C12orf56: variants seen among roughly 807,000 people sequenced by gnomAD.
The protein encoded by C12orf56 is chromosome 12 open reading frame 56, also known as uncharacterized protein C12orf56.
In C12orf56, 71 loss-of-function variants were observed where a neutral mutation model predicts 69.9. The ratio of observed to expected loss-of-function variants is 1.02; its 90% CI spans 0.84 to 1.24. The LOEUF is 1.24. C12orf56 is among the 50% of genes most tolerant of loss of function. C12orf56 has a pLI of 0.00. For synonymous variants in C12orf56, 276 were observed against 274.1 expected, an observed-to-expected ratio of 1.01 and a Z score of -0.07; for missense variants, 732 against 738.5, an observed-to-expected ratio of 0.99 and a Z score of 0.10.
chr12:64,280,381 C>T (rs891591994), intron 8 of C12orf56, among the ~76,000 whole-genome samples: 23 of 152,130 alleles, frequency 1.5e-4, no homozygotes, highest in Non-Finnish European at 5.9e-5. Flanking sequence ...TTTGAATGTA[C>T]TACAATATCT....
intron 5 of C12orf56, among the ~76,000 whole-genome samples, chr12:64,306,100 A>C (rs1218664408): frequency 1.3e-5 from 2 of 152,190 alleles, no homozygotes; most frequent in Non-Finnish European, 1.5e-5. Flanking sequence ...AGAAAACAGC[A>C]TACTAATCTC....
Position 64,275,034 on chromosome 12 carries a change from G to A in C12orf56, c.1510-59C>T, listed in dbSNP as rs2038033195. 8.6e-6 allele frequency: 12 copies of A among 1,389,418 alleles called. 1 individual carries two copies. In the South Asian group the frequency reaches 1.3e-4, roughly 15 times the overall value. 86.1% of individuals were successfully genotyped at this position (1,389,418 alleles called of 1,614,324 possible). A position where few individuals can be genotyped will look rare whatever the true frequency, so the allele number is the denominator to read the frequency against. On this transcript the variant is annotated intron_variant, in intron 10 of 12. Coordinates refer to ENST00000543942, the MANE Select transcript of C12orf56 (RefSeq NM_001170633.2). The stretch of plus-strand genomic sequence containing the variant: ...CATAAAGTTCAAGTAGTATATAAAA[G>A]GATACTCATTCTTAAATACATTTTT...
chr12:64,299,686 G>A (rs1404425468), intron 6 of C12orf56, among the ~76,000 whole-genome samples: 1 of 152,002 alleles, frequency 6.6e-6, no homozygotes, highest in Non-Finnish European at 1.5e-5. Flanking sequence ...AGAAAAATGT[G>A]CCAATCACTA....
At chr12:64,296,855 T>A (rs1247326546) in intron 6 of C12orf56, among the ~76,000 whole-genome samples, 2 of 121,882 alleles carry the variant, frequency 1.6e-5, no homozygotes, top group Non-Finnish European at 3.4e-5. Context: ...AAGATGAGTT[T>A]GGCCCCCTTC....
intron 12 of C12orf56, among the ~76,000 whole-genome samples, chr12:64,269,960 AG>A (rs1226898775): frequency 6.6e-6 from 1 of 152,176 alleles, no homozygotes; most frequent in East Asian, 1.9e-4. Context: ...GCTACAATAA[AG>A]ACAATGAGTG....
At chr12:64,329,590 T>C in intron 3 of C12orf56, among the ~76,000 whole-genome samples, 1 of 151,118 alleles carries the variant, frequency 6.6e-6, no homozygotes, top group East Asian at 1.9e-4. Flanking sequence ...GTTAGTTACA[T>C]ATGTATACAT....
chr12:64,358,319 G>A (rs11175360), intron 1 of C12orf56, among the ~76,000 whole-genome samples: 19,037 of 150,730 alleles, frequency 0.13, 1,437 homozygotes, highest in East Asian at 0.36. Context: ...TTAGCCAGGC[G>A]TGATGGCATG....
intron 3 of C12orf56, among the ~76,000 whole-genome samples, chr12:64,324,644 G>A (rs1016875183): frequency 5.3e-5 from 8 of 152,194 alleles, no homozygotes; most frequent in Admixed American, 3.3e-4. Flanking sequence ...ATGTCTAGAC[G>A]TGGTAAAAGG....
At chr12:64,370,874 A>G (rs1476706878) in intron 1 of C12orf56, among the ~76,000 whole-genome samples, 2 of 151,874 alleles carry the variant, frequency 1.3e-5, no homozygotes, top group Non-Finnish European at 2.9e-5. Flanking sequence ...AGAGCCAGGC[A>G]TGGCAGCTCA....
chr12:64,286,083 A>G, intron 6 of C12orf56, 23 bp from the exon 7 acceptor site: 7 of 1,438,886 alleles, frequency 4.9e-6, no homozygotes, highest in Non-Finnish European at 6.7e-6. Flanking sequence ...GTTGGAAAAA[A>G]AGACAGTAAT....
intron 4 of C12orf56, among the ~76,000 whole-genome samples, chr12:64,313,645 A>G (rs2038652196): frequency 6.6e-6 from 1 of 151,240 alleles, no homozygotes; most frequent in Non-Finnish European, 1.5e-5. Context: ...GTATTTATAT[A>G]TTTTTATAAT....
At chr12:64,276,544 C>T (rs1468913893) in intron 9 of C12orf56, among the ~76,000 whole-genome samples, 1 of 152,128 alleles carries the variant, frequency 6.6e-6, no homozygotes, top group Non-Finnish European at 1.5e-5. Context: ...TCTCTATATA[C>T]AGTCTGTAAT....
At chr12:64,341,819 GTTGGTCTCTTCTGC>G (rs2039078848) in intron 2 of C12orf56, among the ~76,000 whole-genome samples, 1 of 152,182 alleles carries the variant, frequency 6.6e-6, no homozygotes, top group African/African-American at 2.4e-5. Flanking sequence ...AGGGCTCAGT[GTTGGTCTCTTCTGC>G]TGGCAAATTG....
chr12:64,360,511 T>G (rs532860964), intron 1 of C12orf56, among the ~76,000 whole-genome samples: 2 of 151,936 alleles, frequency 1.3e-5, no homozygotes, highest in African/African-American at 4.8e-5. Context: ...GGTAGGTAGA[T>G]AGATGATAGA....
intron 9 of C12orf56, among the ~76,000 whole-genome samples, chr12:64,277,057 T>A (rs1423766463): frequency 6.7e-6 from 1 of 148,962 alleles, no homozygotes; most frequent in Non-Finnish European, 1.5e-5. Flanking sequence ...AAAACATAAT[T>A]CTGACCATAT....
At chr12:64,274,879 G>A (rs6581534) in intron 11 of C12orf56, 22 bp downstream of exon 11, 7 of 1,567,384 alleles carry the variant, frequency 4.5e-6, no homozygotes, top group Admixed American at 3.4e-5. Flanking sequence ...GGGTGATTTC[G>A]TTTTGACTTC....
chr12:64,364,465 G>A (rs917633208), intron 1 of C12orf56, among the ~76,000 whole-genome samples: 1 of 152,038 alleles, frequency 6.6e-6, no homozygotes, highest in African/African-American at 2.4e-5. Flanking sequence ...GGGTGCTGGC[G>A]TCTGAGTAAC....
chr12:64,347,429 G>A (rs908150801), intron 2 of C12orf56, among the ~76,000 whole-genome samples: 2 of 151,882 alleles, frequency 1.3e-5, no homozygotes, highest in Non-Finnish European at 2.9e-5. Context: ...GGGATAACAG[G>A]TGCATGCCAC....
intron 5 of C12orf56, among the ~76,000 whole-genome samples, chr12:64,310,425 T>A (rs899286629): frequency 2.6e-5 from 4 of 152,226 alleles, no homozygotes; most frequent in Non-Finnish European, 5.9e-5. Context: ...CCGCATTCAC[T>A]AGCTGGAATT....
Sources: gnomAD v4.1 joint callset for allele counts (sites outside exome capture counted in the v4.1 genomes callset) on GRCh38, gnomAD v4.1.1 for gene constraint, MANE v1.5 for transcripts, NCBI Gene and HGNC (gene_info 2026-07-23, HGNC 2026-07-21) for gene names.